FBP2: variants seen among roughly 807,000 people sequenced by gnomAD.
The protein encoded by FBP2 is fructose-bisphosphatase 2, also known as fructose-1,6-bisphosphatase isozyme 2.
Under a neutral mutation model 31.6 loss-of-function variants are expected in FBP2, and 27 were observed. That is an observed-to-expected ratio of 0.85 (90% CI 0.63 to 1.18). The LOEUF (loss-of-function observed/expected upper bound fraction) is 1.18. FBP2 is among the 50% of genes most tolerant of loss of function. The probability of loss-of-function intolerance (pLI) is 0.00; values close to 1 mark genes in which losing one functional copy is unlikely to be tolerated. For synonymous variants in FBP2, 168 were observed against 179.8 expected (o/e 0.93, Z 0.53); for missense variants, 421 against 436.1 (o/e 0.97, Z 0.31).
intron 6 of FBP2, among the ~76,000 whole-genome samples, chr9:94,561,352 A>ATTTTT (rs1174386595): frequency 0.058 from 3,187 of 54,996 alleles, 943 homozygotes; most frequent in Admixed American, 0.085. Flanking sequence ...TGTGACCTGT[A>ATTTTT]TTTTTTTTTT....
intron 4 of FBP2, chr9:94,570,710 A>G (rs1455148106): frequency 1.3e-5 from 2 of 152,190 alleles, no homozygotes; most frequent in Non-Finnish European, 2.9e-5. Flanking sequence ...AGGTGAAAAG[A>G]TTCTATTTGA....
intron 6 of FBP2, among the ~76,000 whole-genome samples, chr9:94,559,649 T>G (rs1473162096): frequency 1.3e-5 from 2 of 152,134 alleles, no homozygotes; most frequent in Admixed American, 6.5e-5. Flanking sequence ...TCTAACTAGT[T>G]TGCCGGTGTT....
chr9:94,573,197 T>G (rs569040412), intron 3 of FBP2: 1 of 152,292 alleles, frequency 6.6e-6, no homozygotes, highest in East Asian at 1.9e-4. Flanking sequence ...TTAAATGTAA[T>G]GCTAGCTGTA....
intron 6 of FBP2, among the ~76,000 whole-genome samples, chr9:94,562,401 A>G (rs1314498571): frequency 6.6e-6 from 1 of 151,212 alleles, no homozygotes; most frequent in East Asian, 1.9e-4. Flanking sequence ...TTCCTTCAGC[A>G]CCACTTCTGC....
chr9:94,567,954 C>G (rs1827216467), intron 4 of FBP2: 1 of 152,326 alleles, frequency 6.6e-6, no homozygotes, highest in Admixed American at 6.5e-5. Flanking sequence ...TGGTGAAACC[C>G]CGTCTTTACT....
At position 94,559,021 on chromosome 9, in the gene FBP2, G is replaced by T. The variant is rs1483237086; in HGVS notation, c.937C>A (p.Gln313Lys). The change falls in exon 7 of 7, where the codon CAG becomes AAG. Residue 313 changes from glutamine (Q) to lysine (K), a missense_variant. Physicochemically the swap from Gln to Lys is moderately conservative, Grantham distance 53. Coordinates refer to ENST00000375337, the MANE Select transcript of FBP2 (RefSeq NM_003837.4). Reference protein sequence around the residue: ...VLDVKPEAIHQRVPLILGSPE... With the variant: ...VLDVKPEAIHKRVPLILGSPE... Reference sequence around the variant, plus strand: ...GACCCCAGAATGAGGGGGACTCGCTGGTGAATTGCCTCGGGCTTCACGTCC... The same window carrying T: ...GACCCCAGAATGAGGGGGACTCGCTTGTGAATTGCCTCGGGCTTCACGTCC... 1 of 1,613,962 alleles carries T rather than the reference G, an allele frequency of 6.2e-7. No individual in the cohort carries two copies. Among genetic ancestry groups the T allele is most frequent in the Non-Finnish European group, 8.5e-7 (1 of 1,180,016 alleles).
At chr9:94,562,711 G>A (rs979198582) in intron 6 of FBP2, among the ~76,000 whole-genome samples, 10 of 152,082 alleles carry the variant, frequency 6.6e-5, no homozygotes, top group African/African-American at 1.9e-4. Flanking sequence ...TTTTATGGGA[G>A]GTTCTCTGCA....
chr9:94,589,128 G>A (rs1362559615), intron 1 of FBP2, among the ~76,000 whole-genome samples: 5 of 148,080 alleles, frequency 3.4e-5, no homozygotes, highest in Admixed American at 2.6e-4. Flanking sequence ...CTTCCACAAT[G>A]GCAGGATTTT....
chr9:94,588,271 TTATTTCA>T (rs1225478086), intron 1 of FBP2, among the ~76,000 whole-genome samples: 1 of 152,184 alleles, frequency 6.6e-6, no homozygotes, highest in Non-Finnish European at 1.5e-5. Flanking sequence ...GGGGGCAGAC[TTATTTCA>T]TTTTTTTCTT....
chr9:94,576,955 TC>T (rs985606241), intron 3 of FBP2, among the ~76,000 whole-genome samples: 4 of 151,982 alleles, frequency 2.6e-5, no homozygotes, highest in African/African-American at 9.7e-5. Flanking sequence ...CAGCCCTCCC[TC>T]CCCCCACTTC....
intron 4 of FBP2, chr9:94,570,443 A>G (rs1451701636): frequency 1.3e-5 from 2 of 152,226 alleles, no homozygotes; most frequent in Non-Finnish European, 2.9e-5. Flanking sequence ...CATATCTCAT[A>G]GGGCCACTGT....
chr9:94,587,000 A>G (rs976456658), intron 2 of FBP2, among the ~76,000 whole-genome samples: 1 of 152,152 alleles, frequency 6.6e-6, no homozygotes, highest in African/African-American at 2.4e-5. Context: ...TGGACTCCAC[A>G]AGGTTAAGCC....
chr9:94,572,699 TCACA>T (rs547296641), intron 3 of FBP2, among the ~76,000 whole-genome samples: 56 of 151,544 alleles, frequency 3.7e-4, no homozygotes, highest in Admixed American at 2.9e-3. Flanking sequence ...TGCATTTAAT[TCACA>T]CACACACACA....
chr9:94,591,076 C>A (rs1035564536), intron 1 of FBP2, among the ~76,000 whole-genome samples: 1 of 152,202 alleles, frequency 6.6e-6, no homozygotes, highest in African/African-American at 2.4e-5. Context: ...GCCCAGCTGG[C>A]TTCACCTAGT....
intron 5 of FBP2, among the ~76,000 whole-genome samples, chr9:94,565,860 G>C (rs1011862320): frequency 1.3e-5 from 2 of 152,138 alleles, no homozygotes; most frequent in African/African-American, 4.8e-5. Flanking sequence ...TCGTAACTTG[G>C]GGGAGGAGAG....
intron 2 of FBP2, among the ~76,000 whole-genome samples, chr9:94,585,236 T>TC (rs1827414054): frequency 6.6e-6 from 1 of 152,098 alleles, no homozygotes; most frequent in African/African-American, 2.4e-5. Context: ...ACTTGGAAAT[T>TC]CCCCAACATC....
chr9:94,565,227 T>C (rs1455298100), intron 5 of FBP2, among the ~76,000 whole-genome samples: 1 of 151,910 alleles, frequency 6.6e-6, no homozygotes, highest in Non-Finnish European at 1.5e-5. Context: ...TACAAAATAT[T>C]AGCTGGGCAT....
chr9:94,572,978 G>C (rs1414505799), intron 3 of FBP2: 1 of 152,050 alleles, frequency 6.6e-6, no homozygotes, highest in African/African-American at 2.4e-5. Flanking sequence ...TCTGTTTGTA[G>C]GTTCCTTGGG....
At chr9:94,587,533 G>A (rs972389565) in intron 1 of FBP2, 64 bp from the exon 2 acceptor site, 6 of 1,515,180 alleles carry the variant, frequency 4.0e-6, no homozygotes, top group Non-Finnish European at 5.5e-6. Context: ...AAAGAGCCTG[G>A]GACCCTAAAA....
Sources: allele counts gnomAD v4.1 joint callset (sites outside exome capture counted in the v4.1 genomes callset), GRCh38; gene constraint gnomAD v4.1.1; transcripts MANE v1.5; gene names NCBI Gene and HGNC (gene_info 2026-07-23, HGNC 2026-07-21).